Variants in CPVL observed in about 807,000 individuals in gnomAD.
CPVL encodes the protein probable serine carboxypeptidase CPVL.
A neutral mutation model predicts 63.7 loss-of-function variants in CPVL; 51 were observed. The observed-to-expected ratio is 0.80, with a 90% CI of 0.64 to 1.01. The LOEUF (loss-of-function observed/expected upper bound fraction) is 1.01. Ranked by LOEUF, CPVL falls within the 50% of genes least tolerant of loss-of-function variation. CPVL has a pLI of 0.00. For missense variants in CPVL, 530 were observed against 573.1 expected (o/e 0.92, Z 0.77); for synonymous variants, 195 against 206.0 (o/e 0.95, Z 0.46).
intron 3 of CPVL, among the ~76,000 whole-genome samples, chr7:29,102,858 T>G (rs1304036456): frequency 6.6e-6 from 1 of 152,162 alleles, no homozygotes; most frequent in African/African-American, 2.4e-5. Flanking sequence ...AAAAGGAATT[T>G]CACAATTTCT....
At chr7:29,024,954 C>T (rs1011563308) in intron 12 of CPVL, among the ~76,000 whole-genome samples, 1 of 152,148 alleles carries the variant, frequency 6.6e-6, no homozygotes, top group Non-Finnish European at 1.5e-5. Context: ...AATGTTACCA[C>T]TACAGAAAAC....
chr7:29,179,533 T>C (rs1011778255), intron 5 of CPVL, among the ~76,000 whole-genome samples: 1 of 152,244 alleles, frequency 6.6e-6, no homozygotes, highest in East Asian at 1.9e-4. Context: ...AAGATTCTGA[T>C]ACTTGTCCTA....
chr7:29,080,589 G>A (rs1222261782), intron 7 of CPVL, among the ~76,000 whole-genome samples: 1 of 148,104 alleles, frequency 6.8e-6, no homozygotes, highest in Admixed American at 6.7e-5. Context: ...TAGGTGAAAA[G>A]ATGCAGGAAA....
intron 5 of CPVL, among the ~76,000 whole-genome samples, chr7:29,169,564 G>A (rs371702933): frequency 3.9e-5 from 6 of 152,162 alleles, no homozygotes; most frequent in South Asian, 2.1e-4. Flanking sequence ...AGTAGCTGAC[G>A]GTGTACTGAA....
At chr7:29,072,459 A>C in intron 7 of CPVL, 36 bp from the exon 8 acceptor site, 1 of 1,604,002 alleles carries the variant, frequency 6.2e-7, no homozygotes, top group Non-Finnish European at 8.5e-7. Context: ...CCAATCACAA[A>C]TGGATGCTAG....
At chr7:29,018,257 G>C (rs1333851140) in intron 12 of CPVL, among the ~76,000 whole-genome samples, 1 of 149,118 alleles carries the variant, frequency 6.7e-6, no homozygotes, top group Non-Finnish European at 1.5e-5. Context: ...ATAAAATAAC[G>C]ATGAAAAAAA....
chr7:29,005,616 T>C (rs576578176), intron 12 of CPVL, among the ~76,000 whole-genome samples: 1 of 152,248 alleles, frequency 6.6e-6, no homozygotes, highest in East Asian at 1.9e-4. Context: ...CTCTCTCCCC[T>C]TTCACCACAT....
intron 2 of CPVL, among the ~76,000 whole-genome samples, chr7:29,117,528 C>T (rs926223641): frequency 3.3e-5 from 5 of 152,204 alleles, no homozygotes; most frequent in African/African-American, 1.2e-4. Flanking sequence ...CATAGTGGTT[C>T]ATATCATGGG....
chr7:29,099,406 T>C (rs898698807), intron 3 of CPVL, among the ~76,000 whole-genome samples: 8 of 152,062 alleles, frequency 5.3e-5, no homozygotes, highest in Non-Finnish European at 1.2e-4. Context: ...AGAATGAGGG[T>C]TTTGTTTTAT....
chr7:29,005,019 C>G (rs957690374), intron 12 of CPVL, among the ~76,000 whole-genome samples: 4 of 151,202 alleles, frequency 2.6e-5, no homozygotes, highest in Non-Finnish European at 5.9e-5. Flanking sequence ...GCCTCAGCCT[C>G]CCGAGTAGCT....
intron 12 of CPVL, among the ~76,000 whole-genome samples, chr7:29,003,865 C>T (rs1784917639): frequency 6.6e-6 from 1 of 152,116 alleles, no homozygotes; most frequent in Admixed American, 6.5e-5. Context: ...CAATAGGGTT[C>T]CCCTCCTATA....
At chr7:28,998,545 G>A (rs2128122477) in intron 12 of CPVL, among the ~76,000 whole-genome samples, 1 of 152,336 alleles carries the variant, frequency 6.6e-6, no homozygotes, top group Non-Finnish European at 1.5e-5. Context: ...GTAGTTGTGA[G>A]TTGTGTGAGG....
chr7:29,101,024 T>C (rs1787063730), intron 3 of CPVL, among the ~76,000 whole-genome samples: 2 of 152,238 alleles, frequency 1.3e-5, no homozygotes, highest in South Asian at 4.1e-4. Context: ...ATATTAATTA[T>C]GTCCACAGTA....
intron 12 of CPVL, among the ~76,000 whole-genome samples, chr7:29,001,652 C>T (rs545066338): frequency 7.9e-5 from 12 of 152,258 alleles, no homozygotes; most frequent in African/African-American, 2.4e-4. Flanking sequence ...CTCAGGGAAA[C>T]GATTCTTGAG....
At chr7:29,061,670 G>C (rs1215303559) in intron 11 of CPVL, among the ~76,000 whole-genome samples, 1 of 152,072 alleles carries the variant, frequency 6.6e-6, no homozygotes, top group Non-Finnish European at 1.5e-5. Context: ...AGTGAGGCCA[G>C]GTGCGGTGGT....
intron 5 of CPVL, among the ~76,000 whole-genome samples, chr7:29,169,471 C>T (rs1271090311): frequency 6.6e-6 from 1 of 151,836 alleles, no homozygotes; most frequent in Non-Finnish European, 1.5e-5. Flanking sequence ...TGTTTATATA[C>T]AATAATGTTA....
chr7:29,173,174 C>T (rs1006240084), intron 5 of CPVL, among the ~76,000 whole-genome samples: 1 of 146,224 alleles, frequency 6.8e-6, no homozygotes, highest in Non-Finnish European at 1.5e-5. Context: ...TTTAAAAAAA[C>T]ATTTTTAAAA....
At chr7:29,054,765 C>T (rs1790539564) in intron 11 of CPVL, among the ~76,000 whole-genome samples, 1 of 152,118 alleles carries the variant, frequency 6.6e-6, no homozygotes, top group Admixed American at 6.5e-5. Flanking sequence ...GTATTCTCTT[C>T]TTAATGCCTC....
At chr7:29,056,804 A>G (rs1257211460) in intron 11 of CPVL, among the ~76,000 whole-genome samples, 1 of 152,188 alleles carries the variant, frequency 6.6e-6, no homozygotes, top group East Asian at 1.9e-4. Flanking sequence ...CCAGAATGAG[A>G]GTTCCTATTG....
Sources: allele counts gnomAD v4.1 joint callset (sites outside exome capture counted in the v4.1 genomes callset), GRCh38; gene constraint gnomAD v4.1.1; transcripts MANE v1.5; gene names NCBI Gene and HGNC (gene_info 2026-07-23, HGNC 2026-07-21).